FANCA: variants seen among roughly 807,000 people sequenced by gnomAD.
FANCA encodes the protein FA complementation group A.
In FANCA, 236 loss-of-function variants were observed where a neutral mutation model predicts 194.3. The observed-to-expected ratio is 1.21, with a 90% CI of 1.09 to 1.35. The LOEUF is 1.35. FANCA is among the 40% of genes most tolerant of loss of function. The pLI, the probability that FANCA is intolerant of heterozygous loss-of-function variation, is 0.00. For missense variants in FANCA, 2,628 were observed against 1,813.9 expected (o/e 1.45, Z -8.15); for synonymous variants, 1,014 against 715.8 (o/e 1.42, Z -6.65).
intron 29 of FANCA, 32 bp from the exon 30 acceptor site, chr16:89,758,737 G>A (rs377687813): frequency 1.9e-6 from 3 of 1,611,176 alleles, no homozygotes; most frequent in South Asian, 1.1e-5. Context: ...TCAATTCTGA[G>A]AAATGCTTCG....
At chr16:89,770,887 T>C (rs1399993233) in intron 23 of FANCA, among the ~76,000 whole-genome samples, 2 of 152,086 alleles carry the variant, frequency 1.3e-5, no homozygotes, top group African/African-American at 4.8e-5. Context: ...GCAAACCTTG[T>C]GTGTAAGGGG....
chr16:89,773,847 A>G (rs2039406089), intron 21 of FANCA, among the ~76,000 whole-genome samples: 1 of 146,324 alleles, frequency 6.8e-6, no homozygotes, highest in Non-Finnish European at 1.5e-5. Flanking sequence ...ATCTCGGCTC[A>G]CTGTAACCTC....
chr16:89,795,082 C>T (rs1296150207), intron 11 of FANCA, among the ~76,000 whole-genome samples: 1 of 152,176 alleles, frequency 6.6e-6, no homozygotes, highest in East Asian at 1.9e-4. Flanking sequence ...ATTAGGAGTT[C>T]GAGACCAGCC....
intron 17 of FANCA, 48 bp downstream of exon 17, chr16:89,782,811 A>C: frequency 6.6e-7 from 1 of 1,521,698 alleles, no homozygotes; most frequent in Non-Finnish European, 9.1e-7. Flanking sequence ...GGACCTTTGC[A>C]TGGTGGGCGT....
chr16:89,807,005 G>A (rs9927395), intron 6 of FANCA, among the ~76,000 whole-genome samples: 70,080 of 151,830 alleles, frequency 0.46, 17,441 homozygotes, highest in East Asian at 0.97. Flanking sequence ...CCTCCCGGAC[G>A]GGGCGGCTGT....
chr16:89,770,373 G>A lies in FANCA; in HGVS notation c.2223-114C>T, dbSNP rs886952. On this transcript the variant is annotated intron_variant, in intron 24 of 42. Coordinates refer to ENST00000389301, the MANE Select transcript of FANCA (RefSeq NM_000135.4). ...AAGAGCCAAGCTGTTCCCCAAAACA[G>A]TGGTCTTTCTGGAAGACAACCCATC... The A allele has an allele frequency of 0.46, 508,442 of 1,101,746 alleles. 129,382 individuals carry two copies. The highest frequency in any genetic ancestry group is 0.98 in the East Asian group (38,012 of 38,784). The allele number at this position is 1,101,746 out of a possible 1,614,324, so 68.2% of individuals were successfully genotyped here. A position where few individuals can be genotyped will look rare whatever the true frequency, so the allele number is the denominator to read the frequency against.
At chr16:89,769,774 A>G in intron 26 of FANCA, 63 bp downstream of exon 26, 1 of 1,571,994 alleles carries the variant, frequency 6.4e-7, no homozygotes, top group Non-Finnish European at 8.7e-7. Context: ...AATTTTATCA[A>G]ACGAGCATGT....
Position 89,746,615 on chromosome 16 carries a change from G to A in FANCA, c.3482C>T (p.Thr1161Met), listed in dbSNP as rs142833057. Residue 1161 changes from threonine (T) to methionine (M), a missense_variant, in exon 35 of 43, where the codon ACG (threonine) becomes ATG (methionine). Transcript: ENST00000389301. Reference protein sequence around the residue: ...MVDFILAKCQTKCPLILTSAL... With the variant: ...MVDFILAKCQMKCPLILTSAL... Reference sequence around the variant, plus strand: ...AGAGGTCAAAATTAAGGGGCATTTCGTCTGGCACTTGGCCAGTATGAAGTC... The same window carrying A: ...AGAGGTCAAAATTAAGGGGCATTTCATCTGGCACTTGGCCAGTATGAAGTC... 5.3e-5 allele frequency: 85 copies of A among 1,614,048 alleles called. No individual in the cohort carries two copies. Among genetic ancestry groups the A allele is most frequent in the African/African-American group, 9.3e-5 (7 of 74,948 alleles).
chr16:89,744,810 C>A lies in FANCA; in HGVS notation c.3626+149G>T, dbSNP rs546258228. ...TAGTTGGGATTACAGGCGCCCACCACCACGAGAACTCGGTTCTTTTCTCCC... is the reference window on the plus strand; with the variant it reads ...TAGTTGGGATTACAGGCGCCCACCAACACGAGAACTCGGTTCTTTTCTCCC... On this transcript the variant is annotated intron_variant, in intron 36 of 42. Coordinates refer to ENST00000389301, the MANE Select transcript of FANCA (RefSeq NM_000135.4). 4.0e-6 allele frequency: 3 copies of A among 756,324 alleles called. No homozygotes were observed. The Admixed American group carries it at 6.0e-5, about 15-fold the overall frequency. The allele number at this position is 756,324 out of a possible 1,614,324, so 46.9% of individuals were successfully genotyped here.
chr16:89,777,592 C>CT, intron 20 of FANCA, among the ~76,000 whole-genome samples: 1 of 151,534 alleles, frequency 6.6e-6, no homozygotes, highest in Non-Finnish European at 1.5e-5. Context: ...AAAAAAGGCT[C>CT]TTTGTGTTTA....
At position 89,738,915 on chromosome 16, in the gene FANCA, C is replaced by T. The variant is rs2151710781; in HGVS notation, c.4227G>A (p.Arg1409=). 6.2e-7 allele frequency: 1 copy of T among 1,614,238 alleles called. No homozygotes were observed. Among genetic ancestry groups the T allele is most frequent in the Non-Finnish European group, 8.5e-7 (1 of 1,180,048 alleles). The part of the protein sequence containing the change: ...ARLFLLQLIP[R]CPKKSFSHVA... Reference sequence around the variant, plus strand: ...CGTGTGAGAAGCTCTTTTTCGGGCACCGAGGTATTAACTGCAGCAGAAAAA... The same window carrying T: ...CGTGTGAGAAGCTCTTTTTCGGGCATCGAGGTATTAACTGCAGCAGAAAAA... The change falls in exon 42 of 43, where the codon CGG becomes CGA. Residue 1409 remains arginine, a synonymous_variant. Transcript: ENST00000389301.
intron 30 of FANCA, among the ~76,000 whole-genome samples, chr16:89,757,888 T>C (rs1307046817): frequency 6.6e-6 from 1 of 152,030 alleles, no homozygotes; most frequent in Non-Finnish European, 1.5e-5. Context: ...TATTTTTATC[T>C]TTTTTTTGAG....
At chr16:89,796,945 T>A (rs112603545) in intron 10 of FANCA, among the ~76,000 whole-genome samples, 4 of 151,894 alleles carry the variant, frequency 2.6e-5, no homozygotes, top group African/African-American at 9.7e-5. Context: ...GATGACAAGG[T>A]CAGGAGCTCG....
chr16:89,761,347 A>G (rs11648879), intron 29 of FANCA, among the ~76,000 whole-genome samples: 9,003 of 143,598 alleles, frequency 0.063, 414 homozygotes, highest in East Asian at 0.25. Flanking sequence ...TGAACCCGGG[A>G]GGTGGAGGTT....
chr16:89,804,160 G>C (rs2040553428), intron 7 of FANCA, among the ~76,000 whole-genome samples: 1 of 152,246 alleles, frequency 6.6e-6, no homozygotes, highest in East Asian at 1.9e-4. Flanking sequence ...AGTAGCTCAG[G>C]AATGCTAAGT....
chr16:89,751,992 G>C lies in FANCA; in HGVS notation c.3066+146C>G, dbSNP rs1330563178. The C allele has an allele frequency of 4.1e-5, 32 of 771,398 alleles. 1 individual carries two copies. Among genetic ancestry groups the C allele is most frequent in the Admixed American group, 3.9e-4 (23 of 58,464 alleles). The allele number at this position is 771,398 out of a possible 1,614,324, so 47.8% of individuals were successfully genotyped here. On this transcript the variant is annotated intron_variant, in intron 31 of 42. Transcript: ENST00000389301. ...TCATCGTGTTAGCCAGCATGGTCTCGATCTCCTGACTGTGTGATCCGCCTG... is the reference window on the plus strand; with the variant it reads ...TCATCGTGTTAGCCAGCATGGTCTCCATCTCCTGACTGTGTGATCCGCCTG...
chr16:89,739,231 C>A lies in FANCA; in HGVS notation c.4069G>T (p.Ala1357Ser), dbSNP rs1456500627. 2 of 1,614,054 alleles carry A rather than the reference C, an allele frequency of 1.2e-6. No individual in the cohort carries two copies. Among genetic ancestry groups the A allele is most frequent in the Non-Finnish European group, 1.7e-6 (2 of 1,180,040 alleles). ...AIREEAFLHV[A>S]VDMYLKLVQL... ...ACCAGCTTCAAGTACATGTCCACAG[C>A]AACATGCAGGAAGGCCTCTTCCCTG... Residue 1357 changes from alanine (A) to serine (S), a missense_variant, in exon 41 of 43, where the codon GCT becomes TCT. Coordinates refer to ENST00000389301, the MANE Select transcript of FANCA (RefSeq NM_000135.4).
chr16:89,807,184 CTT>C (rs1011419652), intron 6 of FANCA, among the ~76,000 whole-genome samples: 16 of 134,350 alleles, frequency 1.2e-4, no homozygotes, highest in Admixed American at 1.5e-4. Flanking sequence ...GCAGGTTTTT[CTT>C]TTTTTTTTTT....
intron 39 of FANCA, 62 bp from the exon 40 acceptor site, chr16:89,739,615 G>A (rs528816619): frequency 1.3e-5 from 20 of 1,532,410 alleles, no homozygotes; most frequent in Non-Finnish European, 1.8e-5. Context: ...CAGTGCTGGG[G>A]ACACCCCTGG....
Sources: gnomAD v4.1 joint callset for allele counts (sites outside exome capture counted in the v4.1 genomes callset) on GRCh38, gnomAD v4.1.1 for gene constraint, MANE v1.5 for transcripts, NCBI Gene and HGNC (gene_info 2026-07-23, HGNC 2026-07-21) for gene names.